Variants in GLG1 observed in about 807,000 individuals in gnomAD.
The protein encoded by GLG1 is golgi glycoprotein 1, also known as Golgi apparatus protein 1.
GLG1 carries 38 observed loss-of-function variants against 160.5 expected under a neutral mutation model. The ratio of observed to expected loss-of-function variants is 0.24; its 90% confidence interval spans 0.18 to 0.31. The LOEUF (loss-of-function observed/expected upper bound fraction) is 0.31, where lower values mean the gene tolerates loss of function less well. Ranked by LOEUF, GLG1 falls within the 10% of genes least tolerant of loss-of-function variation. The pLI is 1.00. For synonymous variants in GLG1, 644 were observed against 543.4 expected (o/e 1.19, Z -2.57); for missense variants, 1,373 against 1,505.2 (o/e 0.91, Z 1.45).
At chr16:74,528,182 A>G (rs2017401457) in intron 2 of GLG1, among the ~76,000 whole-genome samples, 1 of 151,734 alleles carries the variant, frequency 6.6e-6, no homozygotes, top group African/African-American at 2.4e-5. Flanking sequence ...TGTATTTTTA[A>G]TAGAGACAGG....
At chr16:74,599,445 C>T (rs761403667) in intron 1 of GLG1, among the ~76,000 whole-genome samples, 4 of 152,172 alleles carry the variant, frequency 2.6e-5, no homozygotes, top group Admixed American at 6.6e-5. Flanking sequence ...AGGCCAGGAG[C>T]GGTGGCTCAC....
At chr16:74,568,227 T>C (rs572750983) in intron 1 of GLG1, among the ~76,000 whole-genome samples, 8 of 152,324 alleles carry the variant, frequency 5.3e-5, no homozygotes, top group Admixed American at 4.6e-4. Context: ...TATCTAAGCC[T>C]GAAGCCTGTG....
Position 74,453,135 on chromosome 16 carries a change from G to C in GLG1, c.*32C>G. ...AGAGGGCTGTACAAACTGGGCACTG[G>C]ATAGGTAGTTCCTTTGGTGGTCAAG... On this transcript the variant is annotated 3_prime_UTR_variant, in exon 26 of 26. Coordinates refer to ENST00000422840, the MANE Select transcript of GLG1 (RefSeq NM_001145667.2). 6.2e-7 allele frequency: 1 copy of C among 1,609,186 alleles called. No homozygotes were observed. The highest frequency in any genetic ancestry group is 1.3e-5 in the African/African-American group (1 of 74,960).
At chr16:74,581,806 G>A (rs1957944416) in intron 1 of GLG1, among the ~76,000 whole-genome samples, 1 of 152,094 alleles carries the variant, frequency 6.6e-6, no homozygotes, top group Admixed American at 6.6e-5. Context: ...CAGCTACTCG[G>A]GAGGCTGAGG....
At chr16:74,566,099 C>T (rs1430574010) in intron 1 of GLG1, among the ~76,000 whole-genome samples, 2 of 152,158 alleles carry the variant, frequency 1.3e-5, no homozygotes, top group African/African-American at 2.4e-5. Context: ...TCTCAACAAT[C>T]GCATCAAAGG....
chr16:74,547,852 ATAAAG>A (rs2018091642), intron 1 of GLG1, among the ~76,000 whole-genome samples: 2 of 152,244 alleles, frequency 1.3e-5, no homozygotes, highest in African/African-American at 2.4e-5. Flanking sequence ...TCCTTTTGAT[ATAAAG>A]TATTCATTTA....
intron 1 of GLG1, among the ~76,000 whole-genome samples, chr16:74,568,673 C>T (rs1425587454): frequency 6.6e-6 from 1 of 152,150 alleles, no homozygotes; most frequent in Non-Finnish European, 1.5e-5. Flanking sequence ...CCACCTCGGC[C>T]TCCCAAAGTG....
chr16:74,566,407 C>T (rs2018655612), intron 1 of GLG1, among the ~76,000 whole-genome samples: 1 of 152,188 alleles, frequency 6.6e-6, no homozygotes, highest in Non-Finnish European at 1.5e-5. Flanking sequence ...CTTCATCGTT[C>T]CCACAGGGAG....
In GLG1 at chr16:74,479,051, C is replaced by CAAAAAAAAAAAAAAAAAA; in HGVS notation, c.1827+1172_1827+1189dup. Among the ~76,000 whole-genome samples, 56 of 17,578 alleles carry CAAAAAAAAAAAAAAAAAA rather than the reference C, an allele frequency of 3.2e-3. 18 individuals are homozygous for CAAAAAAAAAAAAAAAAAA. The highest frequency in any genetic ancestry group is 5.9e-3 in the African/African-American group (19 of 3,232). The allele number at this position is 17,578 out of a possible 152,430, so 11.5% of individuals were successfully genotyped here. On this transcript the variant is annotated intron_variant, in intron 11 of 25. Transcript: ENST00000422840. ...AGAAACCCCGTCTCTATTAAAAATC[C>CAAAAAAAAAAAAAAAAAA]AAAAAAAAAAAAAAAAAAAAAAAAA... is the stretch of plus-strand genomic sequence containing the variant.
At chr16:74,515,927 CTA>C in intron 2 of GLG1, among the ~76,000 whole-genome samples, 1 of 1,106 alleles carries the variant, frequency 9.0e-4, no homozygotes, top group Non-Finnish European at 2.4e-3. Context: ...GACTCTAAAC[CTA>C]AACCAACAAA....
intron 12 of GLG1, 106 bp downstream of exon 12, chr16:74,477,290 C>CTGTAAGGTAAAGAGAGA (rs2015417610): frequency 6.6e-6 from 6 of 906,782 alleles, no homozygotes; most frequent in Non-Finnish European, 1.1e-5. Context: ...CAAATCACAT[C>CTGTAAGGTAAAGAGAGA]TGTAAGGTAA....
intron 2 of GLG1, among the ~76,000 whole-genome samples, chr16:74,524,110 G>A (rs2017259388): frequency 6.6e-6 from 1 of 152,092 alleles, no homozygotes; most frequent in South Asian, 2.1e-4. Flanking sequence ...TCAGGTGGCT[G>A]AGGCAGGAGA....
intron 8 of GLG1, among the ~76,000 whole-genome samples, chr16:74,487,875 C>T (rs535693861): frequency 3.3e-5 from 5 of 152,124 alleles, no homozygotes; most frequent in South Asian, 2.1e-4. Context: ...GTGACAGTAG[C>T]GTGGGAAATA....
At chr16:74,525,125 T>C (rs891550752) in intron 2 of GLG1, among the ~76,000 whole-genome samples, 14 of 152,344 alleles carry the variant, frequency 9.2e-5, no homozygotes, top group African/African-American at 3.4e-4. Flanking sequence ...GTACACATTT[T>C]TGTGTGAAAA....
intron 2 of GLG1, among the ~76,000 whole-genome samples, chr16:74,528,970 C>CT (rs368741358): frequency 0.7 from 97,130 of 139,200 alleles, 33,988 homozygotes; most frequent in East Asian, 0.82. Flanking sequence ...TTCTGTCTGC[C>CT]TTTTTTTTTT....
At chr16:74,598,044 A>G (rs771838303) in intron 1 of GLG1, among the ~76,000 whole-genome samples, 35 of 152,066 alleles carry the variant, frequency 2.3e-4, no homozygotes, top group African/African-American at 7.2e-4. Context: ...AACAAAATCA[A>G]TAAGAATGAT....
rs937868279 is a variant in GLG1 at position 74,448,215 on chromosome 16, G to A, written c.*4952C>T. On this transcript the variant is annotated 3_prime_UTR_variant, in exon 26 of 26. Transcript: ENST00000422840. ...GTCTGTGGAGGAAGGACCAAGAAGG[G>A]GTGCAGTTAGAGGGATGAGCAACCA... The A allele has an allele frequency of 1.3e-5, 2 of 152,270 alleles. No individual in the cohort carries two copies. Among genetic ancestry groups the A allele is most frequent in the East Asian group, 3.9e-4 (2 of 5,194 alleles). The allele number at this position is 152,270 out of a possible 1,614,324, so 9.4% of individuals were successfully genotyped here. A position where few individuals can be genotyped will look rare whatever the true frequency, so the allele number is the denominator to read the frequency against.
chr16:74,469,294 G>C, intron 16 of GLG1: 1 of 566,724 alleles, frequency 1.8e-6, no homozygotes, highest in East Asian at 2.9e-5. Context: ...TGACAGAAGG[G>C]GAAGCCACAC....
At chr16:74,470,129 T>A in intron 15 of GLG1, 56 bp from the exon 16 acceptor site, 1 of 1,025,148 alleles carries the variant, frequency 9.8e-7, no homozygotes, top group Non-Finnish European at 1.5e-6. Flanking sequence ...TGGTCAGTAG[T>A]GGTAGGGCGC....
Sources: allele counts gnomAD v4.1 joint callset (sites outside exome capture counted in the v4.1 genomes callset), GRCh38; gene constraint gnomAD v4.1.1; transcripts MANE v1.5; gene names NCBI Gene and HGNC (gene_info 2026-07-23, HGNC 2026-07-21).